The following IFT80 variants were observed in gnomAD, a reference collection of about 807,000 sequenced individuals.
The protein encoded by IFT80 is intraflagellar transport 80.
In IFT80, 79 loss-of-function variants were observed where a neutral mutation model predicts 107.9. The ratio of observed to expected loss-of-function variants is 0.73; its 90% CI spans 0.61 to 0.88. IFT80 has a LOEUF of 0.88. Among genes scored for constraint, IFT80 ranks in the 40% least tolerant of loss-of-function variants. The pLI, the probability that IFT80 is intolerant of heterozygous loss-of-function variation, is 0.00. For missense variants in IFT80, 797 were observed against 914.2 expected (o/e 0.87, Z 1.65); for synonymous variants, 299 against 300.9 (o/e 0.99, Z 0.07).
intron 9 of IFT80, among the ~76,000 whole-genome samples, chr3:160,310,319 C>A (rs566977365): frequency 1.3e-5 from 2 of 152,304 alleles, no homozygotes; most frequent in South Asian, 2.1e-4. Flanking sequence ...AGAATAACCA[C>A]GATGGGTTGA....
At chr3:160,356,761 C>T (rs567710650) in intron 7 of IFT80, among the ~76,000 whole-genome samples, 1 of 152,242 alleles carries the variant, frequency 6.6e-6, no homozygotes, top group South Asian at 2.1e-4. Context: ...TCTCAAGTAA[C>T]CCTACTGCCT....
chr3:160,334,094 G>A (rs1023108773), intron 8 of IFT80, among the ~76,000 whole-genome samples: 2 of 151,980 alleles, frequency 1.3e-5, no homozygotes, highest in Admixed American at 6.6e-5. Context: ...GTTATTATGT[G>A]GTACATGATC....
intron 5 of IFT80, among the ~76,000 whole-genome samples, chr3:160,369,334 G>A (rs1722076828): frequency 6.6e-6 from 1 of 151,830 alleles, no homozygotes; most frequent in South Asian, 2.1e-4. Context: ...ATGGTCAATA[G>A]ACAGGACTCA....
intron 5 of IFT80, among the ~76,000 whole-genome samples, chr3:160,367,194 G>A (rs1721929471): frequency 6.6e-6 from 1 of 151,930 alleles, no homozygotes; most frequent in Non-Finnish European, 1.5e-5. Context: ...GGAAACTTAG[G>A]TTGCCTCCAA....
chr3:160,311,567 A>G (rs1380239214), intron 9 of IFT80, among the ~76,000 whole-genome samples: 2 of 152,200 alleles, frequency 1.3e-5, no homozygotes, highest in African/African-American at 4.8e-5. Context: ...TTCAAGGAGT[A>G]GGAGGAATGA....
chr3:160,395,460 C>G lies in IFT80; in HGVS notation c.-47+3686G>C, dbSNP rs537204441. ...CCCACCTAAAAAGAATTTCTCTTTG[C>G]AACAACCACTTCCTCACTGTTAGCC... is the stretch of plus-strand genomic sequence containing the variant. On this transcript the variant is annotated intron_variant, in intron 1 of 19. Transcript: ENST00000326448. Among the ~76,000 whole-genome samples, 18 of 152,314 alleles carry G rather than the reference C, an allele frequency of 1.2e-4. No individual in the cohort carries two copies. In the South Asian group the frequency reaches 3.5e-3, roughly 30 times the overall value.
At chr3:160,381,783 TCA>T (rs1712540020) in intron 2 of IFT80, 59 bp from the exon 3 acceptor site, 30 of 1,316,068 alleles carry the variant, frequency 2.3e-5, no homozygotes, top group Non-Finnish European at 3.2e-5. Flanking sequence ...AATGAATAAT[TCA>T]CAGATGCAGA....
chr3:160,288,137 G>T (rs764388910), intron 12 of IFT80, among the ~76,000 whole-genome samples: 1 of 152,196 alleles, frequency 6.6e-6, no homozygotes, highest in African/African-American at 2.4e-5. Context: ...AAGGTCAGGA[G>T]ATCGAGACCA....
At chr3:160,338,841 T>C (rs1230323636) in intron 8 of IFT80, among the ~76,000 whole-genome samples, 1 of 152,214 alleles carries the variant, frequency 6.6e-6, no homozygotes, top group Non-Finnish European at 1.5e-5. Flanking sequence ...TTTCTCTTTT[T>C]TCCCCTACAT....
chr3:160,287,660 T>C (rs995570440), intron 12 of IFT80, among the ~76,000 whole-genome samples: 3 of 152,178 alleles, frequency 2.0e-5, no homozygotes, highest in African/African-American at 4.8e-5. Flanking sequence ...ATGATGCATA[T>C]ATCTTCTGGG....
intron 8 of IFT80, among the ~76,000 whole-genome samples, chr3:160,349,822 T>C (rs918892380): frequency 2.0e-5 from 3 of 152,146 alleles, no homozygotes; most frequent in Non-Finnish European, 4.4e-5. Context: ...ATTGACACCA[T>C]TAAGAGTAAG....
chr3:160,384,245 CAAAA>C (rs201854757), intron 2 of IFT80: 98 of 176,556 alleles, frequency 5.6e-4, no homozygotes, highest in South Asian at 1.2e-3. Context: ...GACTCTGTCT[CAAAA>C]AAAAAAAAAA....
chr3:160,260,462 C>T lies in IFT80; in HGVS notation c.2224-1827G>A, dbSNP rs76834638. Among the ~76,000 whole-genome samples, 934 of 151,804 alleles carry T rather than the reference C, an allele frequency of 6.2e-3. 11 individuals carry two copies. The highest frequency in any genetic ancestry group is 0.022 in the African/African-American group (904 of 41,516). On this transcript the variant is annotated intron_variant, in intron 19 of 19. Transcript: ENST00000326448. Reference sequence around the variant, plus strand: ...TCAAATCAATCACAATAAAACCATACATTGATAATATACTGAACAACTGCT... The same window carrying T: ...TCAAATCAATCACAATAAAACCATATATTGATAATATACTGAACAACTGCT...
At chr3:160,365,003 A>T (rs554691269) in intron 6 of IFT80, among the ~76,000 whole-genome samples, 27 of 89,414 alleles carry the variant, frequency 3.0e-4, no homozygotes, top group Admixed American at 6.0e-4. Flanking sequence ...AAGTATAATT[A>T]AAAAAAAAAG....
intron 1 of IFT80, among the ~76,000 whole-genome samples, chr3:160,386,866 T>A (rs1421235658): frequency 6.6e-6 from 1 of 152,062 alleles, no homozygotes; most frequent in African/African-American, 2.4e-5. Context: ...AAGGAGAGGG[T>A]GGGACACAAC....
At chr3:160,373,070 A>C (rs1711654599) in intron 5 of IFT80, among the ~76,000 whole-genome samples, 1 of 152,144 alleles carries the variant, frequency 6.6e-6, no homozygotes, top group African/African-American at 2.4e-5. Context: ...CAAAAGCAGA[A>C]GCAAATTTTG....
intron 5 of IFT80, among the ~76,000 whole-genome samples, chr3:160,366,768 T>C (rs552671979): frequency 1.3e-5 from 2 of 152,188 alleles, no homozygotes; most frequent in East Asian, 3.9e-4. Context: ...AATTACATCA[T>C]GGAAAATGGG....
rs565688397 is a variant in IFT80, at chr3:160,395,013, A to G, written c.-47+4133T>C. Among the ~76,000 whole-genome samples the G allele has an allele frequency of 1.1e-4, 17 of 152,270 alleles. No individual in the cohort carries two copies. In the South Asian group the frequency reaches 2.3e-3, roughly 20 times the overall value. ...AAGGAAAGCTTTAAATTCTAATTTT[A>G]TATGTTTCTGTTCTGTTTGAAGTTT... is the stretch of plus-strand genomic sequence containing the variant. On this transcript the variant is annotated intron_variant, in intron 1 of 19. Transcript: ENST00000326448.
chr3:160,365,985 C>T, intron 6 of IFT80, 58 bp downstream of exon 6: 1 of 1,278,498 alleles, frequency 7.8e-7, no homozygotes, highest in Non-Finnish European at 1.1e-6. Context: ...AAGCAAGTGC[C>T]CTCTAGTTTA....
Sources: allele counts gnomAD v4.1 joint callset (sites outside exome capture counted in the v4.1 genomes callset), GRCh38; gene constraint gnomAD v4.1.1; transcripts MANE v1.5; gene names NCBI Gene and HGNC (gene_info 2026-07-23, HGNC 2026-07-21).